The following JHY variants were observed in gnomAD, a reference collection of about 807,000 sequenced individuals.
JHY encodes the protein junctional cadherin complex regulator, also known as jhy protein homolog.
JHY carries 69 observed loss-of-function variants against 78.0 expected under a neutral mutation model. The ratio of observed to expected loss-of-function variants is 0.88; its 90% CI spans 0.73 to 1.08. JHY has a LOEUF of 1.08. Among genes scored for constraint, JHY ranks in the 50% least tolerant of loss-of-function variants. The pLI, the probability that JHY is intolerant of heterozygous loss-of-function variation, is 0.00. For synonymous variants in JHY, 368 were observed against 342.6 expected, an observed-to-expected ratio of 1.07 and a Z score of -0.82; for missense variants, 944 against 927.8, an observed-to-expected ratio of 1.02 and a Z score of -0.23.
rs1191072234 is a variant in JHY, at chr11:122,904,270, G to A, written c.690G>A (p.Lys230=). ...EKSSSLSPYV[K]SSSSHNEVFL... ...CGAGCAGCCTTTCTCCGTACGTGAA[G>A]AGCTCAAGTTCACATAACGAGGTTT... Residue 230 remains lysine, a synonymous_variant, in exon 3 of 9, where the codon AAG becomes AAA. Coordinates refer to ENST00000227349, the MANE Select transcript of JHY (RefSeq NM_024806.4). 1.9e-6 allele frequency: 3 copies of A among 1,614,168 alleles called. No homozygotes were observed. Among genetic ancestry groups the A allele is most frequent in the Non-Finnish European group, 2.5e-6 (3 of 1,180,032 alleles).
chr11:122,923,883 ATTTTTT>A lies in JHY; in HGVS notation c.865-992_865-987del, dbSNP rs760512913. ...AGACCCCAGTCACCACGCCTGGCTA[ATTTTTT>A]TTTTTTTTTTTTTTTTTTTTTGTAT... On this transcript the variant is annotated intron_variant, in intron 3 of 8. Transcript: ENST00000227349. 9.2e-4 allele frequency among the ~76,000 whole-genome samples: 92 copies of A among 100,508 alleles called. 1 individual carries two copies. The highest frequency in any genetic ancestry group is 3.9e-3 in the African/African-American group (87 of 22,356). 65.9% of individuals were successfully genotyped at this position (100,508 alleles called of 152,430 possible).
At chr11:122,915,988 A>G (rs76001258) in intron 3 of JHY, among the ~76,000 whole-genome samples, 2,877 of 152,072 alleles carry the variant, frequency 0.019, 72 homozygotes, top group African/African-American at 0.065. Context: ...CAAAGATTTC[A>G]TGGAGGTAAA....
intron 2 of JHY, among the ~76,000 whole-genome samples, chr11:122,899,327 C>G (rs1053362476): frequency 1.3e-5 from 2 of 151,330 alleles, no homozygotes; most frequent in African/African-American, 4.9e-5. Context: ...CCTTTCTTTA[C>G]AAAAAAAAAT....
At position 122,962,626 on chromosome 11, in the gene JHY, A is replaced by G. The variant is rs553765577; in HGVS notation, c.*3181A>G. On this transcript the variant is annotated 3_prime_UTR_variant, in exon 9 of 9. Transcript: ENST00000227349. ...AATAACCTTCATTAATTGTTTCCGA[A>G]ATGGCCTTAAATTCGAACTTAATTT... 4.6e-5 allele frequency among the ~76,000 whole-genome samples: 7 copies of G among 152,340 alleles called. No homozygotes were observed. The South Asian group carries it at 1.4e-3, about 32-fold the overall frequency.
intron 3 of JHY, among the ~76,000 whole-genome samples, chr11:122,916,769 G>A (rs1439509129): frequency 5.3e-5 from 8 of 152,092 alleles, no homozygotes; most frequent in Non-Finnish European, 8.8e-5. Context: ...CCACCGAGTA[G>A]CTGGGATTAC....
chr11:122,914,548 G>A (rs1003043225), intron 3 of JHY, among the ~76,000 whole-genome samples: 3 of 151,992 alleles, frequency 2.0e-5, no homozygotes, highest in Non-Finnish European at 4.4e-5. Flanking sequence ...TGGTTCAAGC[G>A]ATTCTCCTGC....
At chr11:122,937,885 AG>A (rs1194385598) in intron 5 of JHY, among the ~76,000 whole-genome samples, 1 of 152,146 alleles carries the variant, frequency 6.6e-6, no homozygotes, top group Non-Finnish European at 1.5e-5. Flanking sequence ...CCTGATTGGT[AG>A]CTTGGCAGAG....
intron 5 of JHY, among the ~76,000 whole-genome samples, chr11:122,939,350 C>G (rs113765766): frequency 0.043 from 6,507 of 152,190 alleles, 302 homozygotes; most frequent in African/African-American, 0.11. Flanking sequence ...TAGACTTTCA[C>G]CACCGCCACT....
intron 3 of JHY, among the ~76,000 whole-genome samples, chr11:122,909,232 C>CA (rs1241168543): frequency 4.6e-5 from 7 of 152,120 alleles, no homozygotes; most frequent in Admixed American, 2.0e-4. Flanking sequence ...ACCCTGTGGG[C>CA]AAAAAATACG....
At chr11:122,906,059 A>G (rs111869299) in intron 3 of JHY, among the ~76,000 whole-genome samples, 62 of 152,280 alleles carry the variant, frequency 4.1e-4, no homozygotes, top group Middle Eastern at 3.4e-3. Flanking sequence ...GGTGAATTCA[A>G]GCAGTTTTTA....
chr11:122,923,149 G>A (rs117209723), intron 3 of JHY, among the ~76,000 whole-genome samples: 2,751 of 152,296 alleles, frequency 0.018, 39 homozygotes, highest in Non-Finnish European at 0.026. Context: ...TTCTAGCTGC[G>A]CAGAGCTGTT....
At chr11:122,953,707 C>A (rs149276147) in intron 6 of JHY, among the ~76,000 whole-genome samples, 5 of 152,032 alleles carry the variant, frequency 3.3e-5, no homozygotes, top group African/African-American at 1.2e-4. Context: ...AAGCAGCTAT[C>A]ATGGTTTTGC....
chr11:122,937,911 A>G (rs1031244007), intron 5 of JHY, among the ~76,000 whole-genome samples: 1 of 152,196 alleles, frequency 6.6e-6, no homozygotes, highest in African/African-American at 2.4e-5. Context: ...GTAGAATTCT[A>G]GATGGAAAAT....
At chr11:122,944,756 A>G (rs1401984838) in intron 5 of JHY, among the ~76,000 whole-genome samples, 1 of 152,140 alleles carries the variant, frequency 6.6e-6, no homozygotes, top group Non-Finnish European at 1.5e-5. Context: ...TCTTTATTTT[A>G]CTATTTTGAA....
chr11:122,895,235 A>C (rs1240261401), intron 2 of JHY, among the ~76,000 whole-genome samples: 2 of 152,370 alleles, frequency 1.3e-5, no homozygotes, highest in East Asian at 3.8e-4. Flanking sequence ...GGGAATAATT[A>C]TTCTGTTTAA....
chr11:122,895,837 A>C (rs1862729476), intron 2 of JHY, among the ~76,000 whole-genome samples: 1 of 152,214 alleles, frequency 6.6e-6, no homozygotes, highest in Admixed American at 6.5e-5. Flanking sequence ...GGAGCTTCCA[A>C]GCACACAAGC....
At chr11:122,950,101 C>A (rs1490045069) in intron 6 of JHY, among the ~76,000 whole-genome samples, 2 of 151,990 alleles carry the variant, frequency 1.3e-5, no homozygotes, top group South Asian at 4.2e-4. Context: ...CCCAAATTGC[C>A]GGAATTACAG....
chr11:122,897,638 A>G (rs1328417304), intron 2 of JHY, among the ~76,000 whole-genome samples: 2 of 152,224 alleles, frequency 1.3e-5, no homozygotes, highest in African/African-American at 4.8e-5. Context: ...GAATGCAGGT[A>G]GTCTAGGACC....
rs1863724513 is a variant in JHY at position 122,935,061 on chromosome 11, CTT to C, written c.1621_1622del (p.Leu541ArgfsTer11). 1 of 1,569,380 alleles carries C rather than the reference CTT, an allele frequency of 6.4e-7. No individual in the cohort carries two copies. Among genetic ancestry groups the C allele is most frequent in the African/African-American group, 1.4e-5 (1 of 72,558 alleles). On this transcript the variant is annotated frameshift_variant, in exon 5 of 9. Transcript: ENST00000227349. LOFTEE classifies it high-confidence loss of function. This position sits in a 1 kb window ranked among gnomAD's most constrained non-coding sequence, Gnocchi z 4.5. Reference sequence around the variant, plus strand: ...CTTATACAGAGACAAAATACAGGAACTTAGAAATGTTATGGTAAGAATTCCCT... The same window carrying C: ...CTTATACAGAGACAAAATACAGGAACAGAAATGTTATGGTAAGAATTCCCT... The part of the protein sequence containing the change: ...QPYTETKYRN[L>X]EMLWKFHSSS...
Sources: allele counts gnomAD v4.1 joint callset (sites outside exome capture counted in the v4.1 genomes callset), GRCh38; gene constraint gnomAD v4.1.1; non-coding constraint Gnocchi (gnomAD v3.1); transcripts MANE v1.5; gene names NCBI Gene and HGNC (gene_info 2026-07-23, HGNC 2026-07-21).